CRACDL: variants seen among roughly 807,000 people sequenced by gnomAD.
CRACDL encodes the protein CRACD like.
Under a neutral mutation model 70.6 loss-of-function variants are expected in CRACDL, and 26 were observed. The ratio of observed to expected loss-of-function variants is 0.37; its 90% CI spans 0.27 to 0.51. CRACDL has a LOEUF of 0.51. CRACDL is among the 20% of genes least tolerant of loss of function. The pLI is 0.94. For missense variants in CRACDL, 1,283 were observed against 1,376.9 expected, an observed-to-expected ratio of 0.93 and a Z score of 1.08; for synonymous variants, 618 against 615.2, an observed-to-expected ratio of 1.00 and a Z score of -0.07.
chr2:98,909,335 T>C (rs1025292383), intron 1 of CRACDL, among the ~76,000 whole-genome samples: 1 of 152,220 alleles, frequency 6.6e-6, no homozygotes, highest in Non-Finnish European at 1.5e-5. Context: ...TTCAACTTGC[T>C]TCTGGTTTAC....
intron 1 of CRACDL, among the ~76,000 whole-genome samples, chr2:98,847,422 A>C (rs1706308067): frequency 6.6e-6 from 1 of 152,220 alleles, no homozygotes; most frequent in African/African-American, 2.4e-5. Flanking sequence ...GAAAAATGTC[A>C]AACAGATACA....
rs539071239 is a variant in CRACDL at position 98,911,015 on chromosome 2, G to A, written c.-11+24923C>T. 1.7e-3 allele frequency among the ~76,000 whole-genome samples: 259 copies of A among 152,318 alleles called. 1 individual carries two copies. The highest frequency in any genetic ancestry group is 6.0e-3 in the African/African-American group (251 of 41,566). The stretch of plus-strand genomic sequence containing the variant: ...AAGACACCTTTATTTTTAAAGGGAG[G>A]CTGAGAAGTTGTCAGCAGCACATCC... On this transcript the variant is annotated intron_variant, in intron 1 of 9. Transcript: ENST00000397899.
intron 5 of CRACDL, among the ~76,000 whole-genome samples, chr2:98,832,083 CAG>C (rs1705566213): frequency 6.6e-6 from 1 of 152,170 alleles, no homozygotes; most frequent in Non-Finnish European, 1.5e-5. Flanking sequence ...AGTCAAGGGA[CAG>C]GGTTGATTCT....
chr2:98,832,718 T>C lies in CRACDL; in HGVS notation c.375+144A>G, dbSNP rs577725761. The C allele has an allele frequency of 1.6e-4, 184 of 1,131,080 alleles. 2 individuals carry two copies. The highest frequency in any genetic ancestry group is 1.3e-3 in the South Asian group (99 of 74,494). 70.1% of individuals were successfully genotyped at this position (1,131,080 alleles called of 1,614,324 possible). On this transcript the variant is annotated intron_variant, in intron 4 of 9. Coordinates refer to ENST00000397899, the MANE Select transcript of CRACDL (RefSeq NM_207362.3). ...GAATGAGTCGAGATCCCACTGCAGC[T>C]CATTTGGTGTGTCCTGGGGGAGCTG...
chr2:98,872,129 A>G (rs1370712626), intron 1 of CRACDL, among the ~76,000 whole-genome samples: 2 of 152,180 alleles, frequency 1.3e-5, no homozygotes, highest in African/African-American at 4.8e-5. Flanking sequence ...GCACTTTGGG[A>G]GGCCGAGGTG....
chr2:98,878,336 A>G (rs1279509790), intron 1 of CRACDL, among the ~76,000 whole-genome samples: 3 of 152,046 alleles, frequency 2.0e-5, no homozygotes, highest in Non-Finnish European at 1.5e-5. Context: ...TCCCTTTTCT[A>G]TGTTTAGACA....
chr2:98,845,131 G>A (rs1247656318), intron 2 of CRACDL, among the ~76,000 whole-genome samples: 2 of 151,862 alleles, frequency 1.3e-5, no homozygotes, highest in Non-Finnish European at 2.9e-5. Context: ...TGATCTAAGG[G>A]CAAAGTGGCT....
Position 98,823,885 on chromosome 2 carries a change from C to T in CRACDL, c.736-348G>A, listed in dbSNP as rs1705200567. On this transcript the variant is annotated intron_variant, in intron 6 of 9. Coordinates refer to ENST00000397899, the MANE Select transcript of CRACDL (RefSeq NM_207362.3). The surrounding 1 kb of genome is among the most constrained non-coding windows in gnomAD (Gnocchi z 4.0). The stretch of plus-strand genomic sequence containing the variant: ...TCCCACACTTGTTATTTCATTTAAT[C>T]TTCCATTCATCCCAGTGAGGAAGGG... Among the ~76,000 whole-genome samples the T allele has an allele frequency of 6.6e-6, 1 of 152,220 alleles. No homozygotes were observed. Among genetic ancestry groups the T allele is most frequent in the Non-Finnish European group, 1.5e-5 (1 of 68,038 alleles).
Position 98,822,744 on chromosome 2 carries a change from G to T in CRACDL, c.1529C>A (p.Ala510Asp). 7.9e-7 allele frequency: 1 copy of T among 1,266,964 alleles called. No individual in the cohort carries two copies. The highest frequency in any genetic ancestry group is 9.9e-7 in the Non-Finnish European group (1 of 1,010,668). The allele number at this position is 1,266,964 out of a possible 1,614,324, so 78.5% of individuals were successfully genotyped here. Reference sequence around the variant, plus strand: ...CGCAGCGGCAAGCGGCGGGGACGCGGCGGGGCCCTCGCTGGCGGCCGCGGG... The same window carrying T: ...CGCAGCGGCAAGCGGCGGGGACGCGTCGGGGCCCTCGCTGGCGGCCGCGGG... ...HRPAAASEGPAASPPLAAAES... is the reference protein window; with the variant it reads ...HRPAAASEGPDASPPLAAAES... The change falls in exon 7 of 10, where the codon GCC (alanine) becomes GAC (aspartate). Residue 510 changes from alanine (A) to aspartate (D), a missense_variant. Physicochemically the swap from Ala to Asp is moderately radical, Grantham distance 126. Transcript: ENST00000397899. The surrounding 1 kb of genome is among the most constrained non-coding windows in gnomAD (Gnocchi z 4.9).
chr2:98,883,051 G>T (rs753627462), intron 1 of CRACDL, among the ~76,000 whole-genome samples: 32 of 152,242 alleles, frequency 2.1e-4, no homozygotes, highest in Non-Finnish European at 4.4e-4. Flanking sequence ...AGGTGGGAAA[G>T]AACCTAGCAA....
At chr2:98,831,966 C>G (rs1437856804) in intron 5 of CRACDL, among the ~76,000 whole-genome samples, 2 of 152,136 alleles carry the variant, frequency 1.3e-5, no homozygotes, top group Non-Finnish European at 2.9e-5. Context: ...CACATGCTCA[C>G]TACTTCCCCC....
intron 1 of CRACDL, among the ~76,000 whole-genome samples, chr2:98,868,393 T>C (rs1285423861): frequency 1.3e-5 from 2 of 151,812 alleles, no homozygotes; most frequent in South Asian, 4.1e-4. Flanking sequence ...CTGGGAATTT[T>C]CCATGTGGGG....
intron 7 of CRACDL, among the ~76,000 whole-genome samples, chr2:98,814,076 C>T (rs1307925250): frequency 2.0e-5 from 3 of 152,038 alleles, no homozygotes; most frequent in Non-Finnish European, 4.4e-5. Flanking sequence ...CTTTTTTCCC[C>T]TCAGTTTTTA....
chr2:98,904,421 A>G (rs950654626), intron 1 of CRACDL, among the ~76,000 whole-genome samples: 3 of 152,208 alleles, frequency 2.0e-5, no homozygotes, highest in Non-Finnish European at 4.4e-5. Context: ...GAAGACCTGG[A>G]TCCTTGTCCC....
chr2:98,813,540 C>A (rs774776196), intron 7 of CRACDL, among the ~76,000 whole-genome samples: 4 of 152,102 alleles, frequency 2.6e-5, no homozygotes, highest in African/African-American at 4.8e-5. Flanking sequence ...AAGTATGAAC[C>A]TTGACCTAAG....
At chr2:98,875,755 T>TG (rs1707473865) in intron 1 of CRACDL, among the ~76,000 whole-genome samples, 2 of 152,354 alleles carry the variant, frequency 1.3e-5, no homozygotes, top group Non-Finnish European at 2.9e-5. Context: ...AGGACAGAAA[T>TG]ACATGTTCCA....
chr2:98,878,337 T>C (rs554836803), intron 1 of CRACDL, among the ~76,000 whole-genome samples: 1 of 152,226 alleles, frequency 6.6e-6, no homozygotes, highest in Non-Finnish European at 1.5e-5. Flanking sequence ...CCCTTTTCTA[T>C]GTTTAGACAT....
chr2:98,906,513 C>T lies in CRACDL; in HGVS notation c.-11+29425G>A, dbSNP rs1266860719. Among the ~76,000 whole-genome samples the T allele has an allele frequency of 2.7e-5, 4 of 150,252 alleles. No homozygotes were observed. In the East Asian group the frequency reaches 5.8e-4, roughly 22 times the overall value. ...CTGACCTCAGGTGATCCGCCTGCCTCGGCCTCCCAAAGTGCTGGGATTACA... is the reference window on the plus strand; with the variant it reads ...CTGACCTCAGGTGATCCGCCTGCCTTGGCCTCCCAAAGTGCTGGGATTACA... On this transcript the variant is annotated intron_variant, in intron 1 of 9. Transcript: ENST00000397899.
intron 1 of CRACDL, among the ~76,000 whole-genome samples, chr2:98,863,507 CTT>C (rs1707015953): frequency 6.6e-6 from 1 of 152,110 alleles, no homozygotes; most frequent in South Asian, 2.1e-4. Context: ...TAAAGCTACT[CTT>C]ATTGTAAAAA....
Sources: gnomAD v4.1 joint callset for allele counts (sites outside exome capture counted in the v4.1 genomes callset) on GRCh38, gnomAD v4.1.1 for gene constraint, Gnocchi (gnomAD v3.1) non-coding constraint, MANE v1.5 for transcripts, NCBI Gene and HGNC (gene_info 2026-07-23, HGNC 2026-07-21) for gene names.